The following ERC2 variants were observed in gnomAD, a reference collection of about 807,000 sequenced individuals.
ERC2 encodes the protein ERC protein 2.
A neutral mutation model predicts 114.8 loss-of-function variants in ERC2; 42 were observed. That is an observed-to-expected ratio of 0.37 (90% CI 0.29 to 0.47). The LOEUF (loss-of-function observed/expected upper bound fraction) is 0.47. ERC2 is among the 20% of genes least tolerant of loss of function. The pLI, the probability that ERC2 is intolerant of heterozygous loss-of-function variation, is 0.99. For synonymous variants in ERC2, 454 were observed against 425.5 expected (o/e 1.07, Z -0.82); for missense variants, 939 against 1,150.7 (o/e 0.82, Z 2.66).
rs74283979 is a variant in ERC2, at chr3:56,186,834, C to T, written c.1075-13314G>A. Among the ~76,000 whole-genome samples the T allele has an allele frequency of 6.0e-3, 921 of 152,254 alleles. 75 individuals are homozygous for T. In the East Asian group the frequency reaches 0.16, roughly 26 times the overall value. ...GATTACAGGCATAAGCCACCGCACC[C>T]GGCCAGTCCTACTGTTTCTTATATG... On this transcript the variant is annotated intron_variant, in intron 3 of 17. Coordinates refer to ENST00000288221, the MANE Select transcript of ERC2 (RefSeq NM_015576.3).
At chr3:56,021,598 G>A (rs924570693) in intron 7 of ERC2, among the ~76,000 whole-genome samples, 2 of 151,336 alleles carry the variant, frequency 1.3e-5, no homozygotes. Flanking sequence ...AGGTTTGGGG[G>A]TACATGTGAA....
At chr3:56,430,077 T>C (rs1360827297) in intron 2 of ERC2, among the ~76,000 whole-genome samples, 1 of 152,250 alleles carries the variant, frequency 6.6e-6, no homozygotes, top group Non-Finnish European at 1.5e-5. Context: ...ACCTCTACCC[T>C]GTAATGGACC....
intron 17 of ERC2, among the ~76,000 whole-genome samples, chr3:55,638,208 A>G (rs1374221033): frequency 6.6e-6 from 1 of 152,228 alleles, no homozygotes; most frequent in Non-Finnish European, 1.5e-5. Context: ...TAAAATCAGG[A>G]TAATTTTCCA....
At chr3:56,216,985 C>A (rs751795750) in intron 3 of ERC2, among the ~76,000 whole-genome samples, 16 of 152,148 alleles carry the variant, frequency 1.1e-4, no homozygotes, top group Admixed American at 2.0e-4. Context: ...ATTGATGGGA[C>A]GTATCTCAAA....
chr3:55,653,540 T>C (rs1012440083), intron 17 of ERC2, among the ~76,000 whole-genome samples: 1 of 151,568 alleles, frequency 6.6e-6, no homozygotes, highest in Non-Finnish European at 1.5e-5. Context: ...ATAATTTGTA[T>C]AGAACAATCT....
chr3:56,014,837 G>A (rs1277878272), intron 8 of ERC2, among the ~76,000 whole-genome samples: 1 of 152,140 alleles, frequency 6.6e-6, no homozygotes, highest in Non-Finnish European at 1.5e-5. Context: ...CACATAAGCA[G>A]TAATAGTTTT....
At chr3:55,592,211 T>C (rs1023127664) in intron 17 of ERC2, among the ~76,000 whole-genome samples, 2 of 152,216 alleles carry the variant, frequency 1.3e-5, no homozygotes, top group African/African-American at 4.8e-5. Flanking sequence ...GCTAACTCAG[T>C]GGCTGGGGCC....
chr3:55,618,131 C>G (rs910434328), intron 17 of ERC2, among the ~76,000 whole-genome samples: 1 of 151,984 alleles, frequency 6.6e-6, no homozygotes, highest in African/African-American at 2.4e-5. Context: ...AACCAACTTG[C>G]AAATTAAGCA....
intron 2 of ERC2, among the ~76,000 whole-genome samples, chr3:56,370,587 G>GTTTTTTTT (rs1404693067): frequency 1.4e-5 from 2 of 138,398 alleles, no homozygotes; most frequent in African/African-American, 5.5e-5. Flanking sequence ...TTTGGTGGGG[G>GTTTTTTTT]TTTTTTTGTT....
chr3:56,098,746 G>A (rs2078195849), intron 6 of ERC2, among the ~76,000 whole-genome samples: 1 of 152,100 alleles, frequency 6.6e-6, no homozygotes, highest in Non-Finnish European at 1.5e-5. Flanking sequence ...TGAAAAGATG[G>A]GCAGGATGAA....
chr3:55,773,643 A>T (rs2068387758), intron 14 of ERC2, among the ~76,000 whole-genome samples: 1 of 152,238 alleles, frequency 6.6e-6, no homozygotes, highest in Non-Finnish European at 1.5e-5. Context: ...ACCATCCGGA[A>T]TGGTGCTGCG....
At chr3:56,020,136 A>C (rs528245977) in intron 7 of ERC2, among the ~76,000 whole-genome samples, 2 of 152,318 alleles carry the variant, frequency 1.3e-5, no homozygotes, top group Admixed American at 1.3e-4. Context: ...CAGCAGTAGC[A>C]GCGTCAAAAA....
At chr3:55,925,987 C>A (rs557846000) in intron 13 of ERC2, among the ~76,000 whole-genome samples, 4 of 152,288 alleles carry the variant, frequency 2.6e-5, no homozygotes, top group African/African-American at 9.6e-5. Flanking sequence ...CACTTTTAAA[C>A]AATGGAGGGA....
At chr3:55,709,728 C>G (rs1408309275) in intron 15 of ERC2, among the ~76,000 whole-genome samples, 1 of 152,162 alleles carries the variant, frequency 6.6e-6, no homozygotes. Context: ...AACAAATGAC[C>G]CCCCAAAGGG....
intron 6 of ERC2, among the ~76,000 whole-genome samples, chr3:56,130,295 G>C (rs781143740): frequency 3.9e-5 from 6 of 152,104 alleles, no homozygotes; most frequent in Non-Finnish European, 8.8e-5. Flanking sequence ...ACATCTCCTA[G>C]GCTCTACTTT....
intron 3 of ERC2, among the ~76,000 whole-genome samples, chr3:56,230,296 T>C (rs967961801): frequency 1.9e-4 from 29 of 152,324 alleles, no homozygotes; most frequent in African/African-American, 6.5e-4. Flanking sequence ...CATCACACTA[T>C]TGAGCCTTAA....
At chr3:56,238,132 A>T (rs2051085296) in intron 3 of ERC2, among the ~76,000 whole-genome samples, 1 of 152,048 alleles carries the variant, frequency 6.6e-6, no homozygotes, top group Non-Finnish European at 1.5e-5. Flanking sequence ...TTCAATCTTA[A>T]ATAGAAGTTT....
intron 17 of ERC2, among the ~76,000 whole-genome samples, chr3:55,665,243 C>T (rs966477137): frequency 1.3e-5 from 2 of 152,192 alleles, no homozygotes; most frequent in African/African-American, 4.8e-5. Context: ...TCTCAGGGTT[C>T]CATTATTTGG....
chr3:55,784,625 T>C (rs1042547682), intron 14 of ERC2, among the ~76,000 whole-genome samples: 4 of 152,238 alleles, frequency 2.6e-5, no homozygotes, highest in Non-Finnish European at 5.9e-5. Flanking sequence ...CTTCTTCCTT[T>C]ATGTTTTGTC....
Sources: allele counts gnomAD v4.1 joint callset (sites outside exome capture counted in the v4.1 genomes callset), GRCh38; gene constraint gnomAD v4.1.1; transcripts MANE v1.5; gene names NCBI Gene and HGNC (gene_info 2026-07-23, HGNC 2026-07-21).